Variants in ZBTB20 observed in about 807,000 individuals in gnomAD.
ZBTB20 encodes the protein zinc finger and BTB domain-containing protein 20.
A neutral mutation model predicts 56.9 loss-of-function variants in ZBTB20; 9 were observed. That is an observed-to-expected ratio of 0.16 (90% CI 0.10 to 0.28). ZBTB20 has a LOEUF of 0.28. ZBTB20 is among the 10% of genes least tolerant of loss of function. The pLI is 1.00. For synonymous variants in ZBTB20, 417 were observed against 420.7 expected (o/e 0.99, Z 0.11); for missense variants, 655 against 1,003.0 (o/e 0.65, Z 4.69).
intron 6 of ZBTB20, among the ~76,000 whole-genome samples, chr3:114,665,475 T>C (rs1208738080): frequency 6.6e-6 from 1 of 152,050 alleles, no homozygotes; most frequent in African/African-American, 2.4e-5. Context: ...TCTAGTTTAA[T>C]TATAAGTCTT....
intron 2 of ZBTB20, among the ~76,000 whole-genome samples, chr3:114,987,874 G>A (rs1372157667): frequency 6.6e-6 from 1 of 152,124 alleles, no homozygotes. Flanking sequence ...GAAAGGGAGG[G>A]AAGATTAGAA....
intron 2 of ZBTB20, among the ~76,000 whole-genome samples, chr3:115,000,700 G>C (rs866179769): frequency 4.0e-5 from 6 of 151,668 alleles, no homozygotes; most frequent in South Asian, 2.1e-4. Context: ...ATTTAACTCA[G>C]TGTTACTCAG....
intron 4 of ZBTB20, among the ~76,000 whole-genome samples, chr3:114,875,734 T>C (rs534768792): frequency 1.3e-5 from 2 of 152,260 alleles, no homozygotes; most frequent in East Asian, 3.9e-4. Flanking sequence ...GATTTAACTT[T>C]TTGGAACCTC....
chr3:114,676,548 G>C (rs561616926), intron 6 of ZBTB20, among the ~76,000 whole-genome samples: 1 of 152,054 alleles, frequency 6.6e-6, no homozygotes, highest in East Asian at 1.9e-4. Context: ...GTCTCGTGTA[G>C]GGGTTCCCAA....
Position 114,600,960 on chromosome 3 carries a change from G to GT in ZBTB20, c.-295+92567dup, listed in dbSNP as rs772934335. Among the ~76,000 whole-genome samples, 674 of 141,206 alleles carry GT rather than the reference G, an allele frequency of 4.8e-3. 1 individual carries two copies. Among genetic ancestry groups the GT allele is most frequent in the African/African-American group, 6.0e-3 (228 of 38,250 alleles). 92.6% of individuals were successfully genotyped at this position (141,206 alleles called of 152,430 possible). On this transcript the variant is annotated intron_variant, in intron 6 of 11. Coordinates refer to ENST00000675478, the MANE Select transcript of ZBTB20 (RefSeq NM_001348800.3). ...GACTTACTCTTAAATTAATGCCTTAGTTTTTTTTTTTTTCTCTAGGGACAT... is the reference window on the plus strand; with the variant it reads ...GACTTACTCTTAAATTAATGCCTTAGTTTTTTTTTTTTTTCTCTAGGGACAT...
At chr3:114,553,138 A>C (rs1215127671) in intron 6 of ZBTB20, among the ~76,000 whole-genome samples, 1 of 152,174 alleles carries the variant, frequency 6.6e-6, no homozygotes, top group Non-Finnish European at 1.5e-5. Context: ...AATCCAATCC[A>C]AGACTTCATG....
chr3:114,680,288 A>G (rs2061890788), intron 6 of ZBTB20, among the ~76,000 whole-genome samples: 1 of 152,240 alleles, frequency 6.6e-6, no homozygotes, highest in African/African-American at 2.4e-5. Flanking sequence ...GTATAACTTA[A>G]AAGTTTTTTT....
chr3:114,980,916 G>A (rs2078300183), intron 2 of ZBTB20, among the ~76,000 whole-genome samples: 1 of 151,782 alleles, frequency 6.6e-6, no homozygotes, highest in African/African-American at 2.4e-5. Flanking sequence ...AGGTGTTTTT[G>A]TTTTTAGATC....
intron 7 of ZBTB20, among the ~76,000 whole-genome samples, chr3:114,416,363 A>G (rs1382901099): frequency 2.0e-5 from 3 of 151,410 alleles, no homozygotes; most frequent in African/African-American, 7.3e-5. Context: ...AAATAGAGGG[A>G]TTAGAACCTG....
chr3:114,460,292 G>C (rs1029162990), intron 7 of ZBTB20, among the ~76,000 whole-genome samples: 12 of 151,526 alleles, frequency 7.9e-5, no homozygotes, highest in East Asian at 7.7e-4. Flanking sequence ...CTGAGGAATG[G>C]CCCCCCCCAA....
At chr3:114,992,010 ATC>A (rs1415975363) in intron 2 of ZBTB20, among the ~76,000 whole-genome samples, 7 of 150,968 alleles carry the variant, frequency 4.6e-5, no homozygotes, top group Admixed American at 3.3e-4. Context: ...GCACGTTCTT[ATC>A]TCTCTTTCTC....
In ZBTB20 at chr3:114,338,816, C is replaced by A. The variant is rs1007274647; in HGVS notation, c.*189G>T. The A allele has an allele frequency of 1.7e-6, 1 of 596,138 alleles. No homozygotes were observed. The highest frequency in any genetic ancestry group is 2.6e-6 in the Non-Finnish European group (1 of 379,578). 36.9% of individuals were successfully genotyped at this position (596,138 alleles called of 1,614,324 possible). On this transcript the variant is annotated 3_prime_UTR_variant, in exon 12 of 12. Coordinates refer to ENST00000675478, the MANE Select transcript of ZBTB20 (RefSeq NM_001348800.3). ...GAAAACTATTATTCACCCAAGCCTC[C>A]GGAAATGTAATGTACCAGCAGGCAA...
intron 7 of ZBTB20, among the ~76,000 whole-genome samples, chr3:114,393,111 G>A (rs1302732754): frequency 3.3e-5 from 5 of 152,232 alleles, no homozygotes; most frequent in Non-Finnish European, 5.9e-5. Flanking sequence ...TACGCATTGA[G>A]ACATCCATTA....
intron 4 of ZBTB20, among the ~76,000 whole-genome samples, chr3:114,836,656 C>T (rs1223351184): frequency 6.6e-6 from 1 of 152,100 alleles, no homozygotes; most frequent in Admixed American, 6.6e-5. Context: ...ACATCTAATC[C>T]ATCAATAAGC....
At chr3:114,772,544 C>A (rs1443416263) in intron 5 of ZBTB20, among the ~76,000 whole-genome samples, 2 of 151,760 alleles carry the variant, frequency 1.3e-5, no homozygotes, top group Non-Finnish European at 2.9e-5. Flanking sequence ...CTTGGTTTTC[C>A]CTCGCCCCTA....
At chr3:114,682,180 A>G (rs1170166024) in intron 6 of ZBTB20, among the ~76,000 whole-genome samples, 1 of 152,228 alleles carries the variant, frequency 6.6e-6, no homozygotes, top group East Asian at 1.9e-4. Flanking sequence ...CAGATTTAAG[A>G]GACAAAAGTA....
chr3:114,334,212 A>G lies in ZBTB20; in HGVS notation c.*4793T>C, dbSNP rs982519581. On this transcript the variant is annotated 3_prime_UTR_variant, in exon 12 of 12. Transcript: ENST00000675478. ...CAAATAACATCTTCTAGAACAACAG[A>G]GGAAAGCTCCAGAATGGGTGTATAT... is the stretch of plus-strand genomic sequence containing the variant. 3 of 152,254 alleles carry G rather than the reference A, an allele frequency of 2.0e-5. No homozygotes were observed. Among genetic ancestry groups the G allele is most frequent in the African/African-American group, 7.2e-5 (3 of 41,454 alleles). The allele number at this position is 152,254 out of a possible 1,614,324, so 9.4% of individuals were successfully genotyped here.
intron 5 of ZBTB20, among the ~76,000 whole-genome samples, chr3:114,728,889 G>A (rs899755998): frequency 5.3e-5 from 8 of 152,046 alleles, no homozygotes; most frequent in Admixed American, 6.6e-5. Context: ...GTCTTCTTTT[G>A]AGAAGTGTCT....
chr3:115,024,031 T>C (rs1009649827), intron 2 of ZBTB20, among the ~76,000 whole-genome samples: 6 of 151,096 alleles, frequency 4.0e-5, no homozygotes, highest in African/African-American at 1.5e-4. Context: ...TTCATAACTA[T>C]ACTACATGGT....
Sources: allele counts gnomAD v4.1 joint callset (sites outside exome capture counted in the v4.1 genomes callset), GRCh38; gene constraint gnomAD v4.1.1; transcripts MANE v1.5; gene names NCBI Gene and HGNC (gene_info 2026-07-23, HGNC 2026-07-21).